The following ASXL3 variants were observed in gnomAD, a reference collection of about 807,000 sequenced individuals.
ASXL3 encodes the protein putative Polycomb group protein ASXL3.
In ASXL3, 34 loss-of-function variants were observed where a neutral mutation model predicts 170.6. The observed-to-expected ratio is 0.20, with a 90% confidence interval of 0.15 to 0.27. ASXL3 has a LOEUF of 0.27. Ranked by LOEUF, ASXL3 falls within the 10% of genes least tolerant of loss-of-function variation. The pLI, the probability that ASXL3 is intolerant of heterozygous loss-of-function variation, is 1.00. For missense variants in ASXL3, 2,592 were observed against 2,695.3 expected, an observed-to-expected ratio of 0.96 and a Z score of 0.85; for synonymous variants, 1,002 against 989.1, an observed-to-expected ratio of 1.01 and a Z score of -0.24.
intron 8 of ASXL3, among the ~76,000 whole-genome samples, chr18:33,711,571 T>A (rs1443079654): frequency 6.6e-6 from 1 of 152,250 alleles, no homozygotes; most frequent in Non-Finnish European, 1.5e-5. Context: ...GTTATGATAA[T>A]GAATTGTGTC....
At chr18:33,585,361 G>T (rs2065026461) in intron 1 of ASXL3, among the ~76,000 whole-genome samples, 1 of 152,036 alleles carries the variant, frequency 6.6e-6, no homozygotes, top group African/African-American at 2.4e-5. Flanking sequence ...TCCCTGAAGA[G>T]CCCTTGGGGA....
intron 4 of ASXL3, among the ~76,000 whole-genome samples, chr18:33,658,102 T>C (rs2066111920): frequency 2.0e-5 from 3 of 152,130 alleles, no homozygotes; most frequent in African/African-American, 7.2e-5. Context: ...TTGATATTTA[T>C]TGGATAAAAC....
At chr18:33,607,778 G>C in intron 2 of ASXL3, 102 bp downstream of exon 2, 4 of 849,492 alleles carry the variant, frequency 4.7e-6, no homozygotes, top group African/African-American at 1.7e-5. Context: ...GTAGTTGATT[G>C]TGAATTAACT....
intron 8 of ASXL3, among the ~76,000 whole-genome samples, chr18:33,719,164 C>T (rs963159898): frequency 1.3e-5 from 2 of 152,014 alleles, no homozygotes; most frequent in Admixed American, 6.6e-5. Flanking sequence ...CCACACAGTC[C>T]TTCAGCTACC....
intron 4 of ASXL3, 87 bp from the exon 5 acceptor site, chr18:33,661,529 A>G (rs962894644): frequency 2.0e-5 from 27 of 1,317,846 alleles, no homozygotes; most frequent in Non-Finnish European, 2.8e-5. Flanking sequence ...TCCATTTTCA[A>G]TTGCAGAAAA....
chr18:33,693,617 G>A (rs1490656745), intron 8 of ASXL3, among the ~76,000 whole-genome samples: 1 of 152,124 alleles, frequency 6.6e-6, no homozygotes, highest in Non-Finnish European at 1.5e-5. Context: ...TATTTTCAGA[G>A]ATTCATCCTG....
intron 8 of ASXL3, among the ~76,000 whole-genome samples, chr18:33,696,758 T>C (rs1249001037): frequency 6.6e-6 from 1 of 152,098 alleles, no homozygotes; most frequent in Non-Finnish European, 1.5e-5. Flanking sequence ...AGAAAATGTT[T>C]CCAGGCTGTG....
intron 1 of ASXL3, among the ~76,000 whole-genome samples, chr18:33,586,747 T>G (rs141422341): frequency 6.6e-6 from 1 of 152,308 alleles, no homozygotes; most frequent in African/African-American, 2.4e-5. Flanking sequence ...CCCCTGAATT[T>G]TAGAATTTTG....
chr18:33,722,300 T>G (rs538668339), intron 8 of ASXL3, among the ~76,000 whole-genome samples: 6 of 152,234 alleles, frequency 3.9e-5, no homozygotes, highest in Admixed American at 3.9e-4. Context: ...AAAGCTGAGA[T>G]AGGCCAAAAG....
chr18:33,739,571 C>A lies in ASXL3; in HGVS notation c.2167C>A (p.Pro723Thr). ...TSETSPMSDL[P>T]LTSETSSVSS... ...AGAAACCTCACCGATGTCTGACTTA[C>A]CTTTAACATCAGAAACTTCTTCAGT... The change falls in exon 11 of 12, where the codon CCT (proline) becomes ACT (threonine). Residue 723 changes from proline to threonine, a missense_variant. Around this residue, in one of 4 missense-constraint regions of ASXL3, gnomAD observed 2,246 missense variants for 2,219.6 expected, o/e 1.01. Coordinates refer to ENST00000269197, the MANE Select transcript of ASXL3 (RefSeq NM_030632.3). The A allele has an allele frequency of 1.2e-6, 2 of 1,614,006 alleles. No homozygotes were observed. The highest frequency in any genetic ancestry group is 1.7e-6 in the Non-Finnish European group (2 of 1,179,884).
intron 8 of ASXL3, among the ~76,000 whole-genome samples, chr18:33,694,227 C>T (rs978749769): frequency 6.6e-6 from 1 of 152,100 alleles, no homozygotes; most frequent in African/African-American, 2.4e-5. Flanking sequence ...GCCAGACATG[C>T]CTTTGTGCAT....
At chr18:33,659,526 C>T (rs1301219315) in intron 4 of ASXL3, among the ~76,000 whole-genome samples, 4 of 152,036 alleles carry the variant, frequency 2.6e-5, no homozygotes, top group African/African-American at 2.4e-5. Flanking sequence ...TTTTATCTGC[C>T]GTCTCTCTGT....
intron 1 of ASXL3, among the ~76,000 whole-genome samples, chr18:33,583,783 G>A (rs1185297993): frequency 6.6e-6 from 1 of 152,136 alleles, no homozygotes; most frequent in East Asian, 1.9e-4. Context: ...TTTCACCACA[G>A]AAAAGTTAAC....
chr18:33,707,444 T>G (rs1438723868), intron 8 of ASXL3, among the ~76,000 whole-genome samples: 1 of 151,966 alleles, frequency 6.6e-6, no homozygotes, highest in Non-Finnish European at 1.5e-5. Flanking sequence ...TTGATCAATT[T>G]GTTCCTGTGT....
chr18:33,605,395 A>G (rs2065235402), intron 1 of ASXL3: 1 of 152,040 alleles, frequency 6.6e-6, no homozygotes, highest in Non-Finnish European at 1.5e-5. Flanking sequence ...GCTTGTTCAC[A>G]CCCAGGAACC....
At chr18:33,718,121 A>T (rs1307417759) in intron 8 of ASXL3, among the ~76,000 whole-genome samples, 2 of 152,116 alleles carry the variant, frequency 1.3e-5, no homozygotes, top group Non-Finnish European at 2.9e-5. Context: ...CAACTAAATC[A>T]TGGCAAAACG....
intron 8 of ASXL3, among the ~76,000 whole-genome samples, chr18:33,713,163 G>C (rs750995235): frequency 2.0e-5 from 3 of 149,294 alleles, no homozygotes; most frequent in South Asian, 2.2e-4. Context: ...ACAAAATCAG[G>C]GTTTGTTACA....
At chr18:33,716,490 A>G (rs1218062998) in intron 8 of ASXL3, among the ~76,000 whole-genome samples, 1 of 152,198 alleles carries the variant, frequency 6.6e-6, no homozygotes, top group Non-Finnish European at 1.5e-5. Context: ...AAGGTTTGAC[A>G]TGTTGCTAAT....
At chr18:33,741,684 C>A (rs1439571943) in intron 11 of ASXL3, among the ~76,000 whole-genome samples, 1 of 152,026 alleles carries the variant, frequency 6.6e-6, no homozygotes, top group African/African-American at 2.4e-5. Flanking sequence ...CATCAAAGTT[C>A]CAAAGCATAA....
Sources: allele counts gnomAD v4.1 joint callset (sites outside exome capture counted in the v4.1 genomes callset), GRCh38; gene constraint gnomAD v4.1.1; regional missense constraint gnomAD v4.1.1; transcripts MANE v1.5; gene names NCBI Gene and HGNC (gene_info 2026-07-23, HGNC 2026-07-21).